The following DDX24 variants were observed in gnomAD, a reference collection of about 807,000 sequenced individuals.
DDX24 encodes DEAD-box helicase 24, also known as ATP-dependent RNA helicase DDX24.
Under a neutral mutation model 68.9 loss-of-function variants are expected in DDX24, and 24 were observed. That is an observed-to-expected ratio of 0.35 (90% confidence interval 0.25 to 0.49). The LOEUF is 0.49. Ranked by LOEUF, DDX24 falls within the 20% of genes least tolerant of loss-of-function variation. DDX24 has a pLI of 0.99. For missense variants in DDX24, 989 were observed against 1,039.0 expected (o/e 0.95, Z 0.66); for synonymous variants, 395 against 385.2 (o/e 1.03, Z -0.30).
rs184812855 is a variant in DDX24 at position 94,058,878 on chromosome 14, C to T, written c.1914-981G>A. Reference sequence around the variant, plus strand: ...CTCTATGGCAACTATTCAACTCTGCCGCAAAAGAGGATATTGACAATACAT... The same window carrying T: ...CTCTATGGCAACTATTCAACTCTGCTGCAAAAGAGGATATTGACAATACAT... On this transcript the variant is annotated intron_variant, in intron 5 of 8. Transcript: ENST00000621632. Among the ~76,000 whole-genome samples the T allele has an allele frequency of 1.1e-4, 16 of 152,252 alleles. No individual in the cohort carries two copies. The East Asian group carries it at 1.5e-3, about 15-fold the overall frequency.
chr14:94,058,937 A>T (rs757198723), intron 5 of DDX24, among the ~76,000 whole-genome samples: 7 of 152,202 alleles, frequency 4.6e-5, no homozygotes, highest in Non-Finnish European at 1.0e-4. Context: ...TAAAACGTCT[A>T]CTAAAAAAAC....
rs1299098349 is a variant in DDX24 at position 94,081,128 on chromosome 14, A to T, written c.-15T>A. ...TCGTTTTGGTACTCACCGTGTGGAGACGCCACCGCAGCTCCGTCAGTCGCG... is the reference window on the plus strand; with the variant it reads ...TCGTTTTGGTACTCACCGTGTGGAGTCGCCACCGCAGCTCCGTCAGTCGCG... On this transcript the variant is annotated 5_prime_UTR_variant, in exon 1 of 9. Transcript: ENST00000621632. 6.6e-6 allele frequency: 1 copy of T among 152,146 alleles called. No homozygotes were observed. Among genetic ancestry groups the T allele is most frequent in the Non-Finnish European group, 1.5e-5 (1 of 68,052 alleles). The allele number at this position is 152,146 out of a possible 1,614,324, so 9.4% of individuals were successfully genotyped here.
In DDX24 at chr14:94,081,112, TACTC is replaced by T. The variant is rs1886082214; in HGVS notation, c.-6+3_-6+6del. 6.6e-6 allele frequency: 1 copy of T among 152,290 alleles called. No homozygotes were observed. Among genetic ancestry groups the T allele is most frequent in the Non-Finnish European group, 1.5e-5 (1 of 68,116 alleles). The allele number at this position is 152,290 out of a possible 1,614,324, so 9.4% of individuals were successfully genotyped here. ...TCGGCTCCAACCCCGCTCGTTTTGG[TACTC>T]ACCGTGTGGAGACGCCACCGCAGCT... On this transcript the variant is annotated splice_donor_5th_base_variant and intron_variant, in intron 1 of 8. Transcript: ENST00000621632.
chr14:94,051,330 C>T lies in DDX24; in HGVS notation c.2441G>A (p.Gly814Asp), dbSNP rs1189852340. Residue 814 changes from glycine (G) to aspartate (D), a missense_variant, in exon 9 of 9, where the codon GGC (glycine) becomes GAC (aspartate). Transcript: ENST00000621632. ...SQKTKYPTQS[G>D]KPPLLVSAPS... ...GGCAGACACAAGCAGGGGCGGCTTG[C>T]CAGACTGAGTGGGATACTTGGTTTT... is the stretch of plus-strand genomic sequence containing the variant. The T allele has an allele frequency of 6.2e-7, 1 of 1,613,224 alleles. No homozygotes were observed. The highest frequency in any genetic ancestry group is 1.7e-5 in the Admixed American group (1 of 59,822).
chr14:94,051,373 G>A lies in DDX24; in HGVS notation c.2398C>T (p.Leu800=). Residue 800 remains leucine (L), a synonymous_variant, in exon 9 of 9, where the codon CTG becomes TTG. Transcript: ENST00000621632. ...KELRHLLSQP[L]FTESQKTKYP... is the part of the protein sequence containing the mutation. Reference sequence around the variant, plus strand: ...TTGGTTTTCTGGCTCTCCGTAAACAGTGGCTGGGACAGCAGGTGGCGCAGC... The same window carrying A: ...TTGGTTTTCTGGCTCTCCGTAAACAATGGCTGGGACAGCAGGTGGCGCAGC... The A allele has an allele frequency of 6.2e-7, 1 of 1,612,904 alleles. No individual in the cohort carries two copies. The highest frequency in any genetic ancestry group is 1.1e-5 in the South Asian group (1 of 90,828).
At chr14:94,059,295 C>T (rs2141424879) in intron 5 of DDX24, among the ~76,000 whole-genome samples, 1 of 152,288 alleles carries the variant, frequency 6.6e-6, no homozygotes, top group Non-Finnish European at 1.5e-5. Flanking sequence ...CAATCTGCAC[C>T]CCATTCCCTG....
chr14:94,074,700 C>G (rs1332328469), intron 2 of DDX24, among the ~76,000 whole-genome samples: 1 of 152,140 alleles, frequency 6.6e-6, no homozygotes, highest in Non-Finnish European at 1.5e-5. Context: ...CAAAATTCTG[C>G]TAAAGGTGTT....
chr14:94,067,386 A>C (rs1394297096), intron 2 of DDX24, among the ~76,000 whole-genome samples: 1 of 152,208 alleles, frequency 6.6e-6, no homozygotes, highest in East Asian at 1.9e-4. Flanking sequence ...GAAGGAGAGA[A>C]TGCTAAAAGC....
intron 7 of DDX24, chr14:94,053,328 C>G: frequency 5.7e-6 from 2 of 347,932 alleles, no homozygotes; most frequent in Non-Finnish European, 1.0e-5. Context: ...TCCCAAGCAG[C>G]TGGGAGGCAC....
intron 2 of DDX24, among the ~76,000 whole-genome samples, chr14:94,065,579 T>C (rs556302800): frequency 1.3e-5 from 2 of 152,272 alleles, no homozygotes; most frequent in East Asian, 1.9e-4. Context: ...TAGCTCCAGA[T>C]TGACTGCAAG....
At chr14:94,069,489 G>A (rs1188126245) in intron 2 of DDX24, among the ~76,000 whole-genome samples, 4 of 152,050 alleles carry the variant, frequency 2.6e-5, no homozygotes, top group Non-Finnish European at 5.9e-5. Flanking sequence ...GAGAAAGAAG[G>A]AACCCTCCCT....
rs771873044 is a variant in DDX24 at position 94,062,245 on chromosome 14, C to G, written c.1095G>C (p.Gln365His). 8.1e-6 allele frequency: 13 copies of G among 1,614,144 alleles called. No homozygotes were observed. The highest frequency in any genetic ancestry group is 1.1e-5 in the Non-Finnish European group (13 of 1,180,010). The change falls in exon 3 of 9, where the codon CAG becomes CAC. Residue 365 changes from glutamine (Q) to histidine (H), a missense_variant. Transcript: ENST00000621632. ...ENEEENLDKE[Q>H]TGNLKQELDD... Reference sequence around the variant, plus strand: ...CCAACTCCTGTTTTAGATTTCCAGTCTGCTCTTTATCAAGATTTTCCTCCT... The same window carrying G: ...CCAACTCCTGTTTTAGATTTCCAGTGTGCTCTTTATCAAGATTTTCCTCCT...
chr14:94,076,343 C>T (rs1405000087), intron 2 of DDX24, among the ~76,000 whole-genome samples: 3 of 152,124 alleles, frequency 2.0e-5, no homozygotes, highest in East Asian at 1.9e-4. Flanking sequence ...TCAGATACCA[C>T]CCCCTCCAGT....
At chr14:94,057,735 A>ACAAT in intron 6 of DDX24, 87 bp downstream of exon 6, 2 of 1,327,870 alleles carry the variant, frequency 1.5e-6, no homozygotes, top group Non-Finnish European at 2.1e-6. Context: ...CTTGGAACCA[A>ACAAT]CAATTCCTCC....
chr14:94,063,503 A>G (rs993419635), intron 2 of DDX24, among the ~76,000 whole-genome samples: 4 of 152,284 alleles, frequency 2.6e-5, no homozygotes, highest in Non-Finnish European at 5.9e-5. Flanking sequence ...ATAATTCACC[A>G]GCAGCAAATG....
intron 5 of DDX24, among the ~76,000 whole-genome samples, chr14:94,058,395 CTCACT>C (rs1463310981): frequency 6.6e-6 from 1 of 152,184 alleles, no homozygotes; most frequent in Non-Finnish European, 1.5e-5. Context: ...CTGCTCAATT[CTCACT>C]TCATCAGAGA....
chr14:94,068,109 C>T (rs373572158), intron 2 of DDX24, among the ~76,000 whole-genome samples: 1 of 152,246 alleles, frequency 6.6e-6, no homozygotes, highest in Non-Finnish European at 1.5e-5. Context: ...CTGCTGCCTT[C>T]AGGAGACTCA....
intron 5 of DDX24, 37 bp downstream of exon 5, chr14:94,060,061 A>C: frequency 1.3e-6 from 2 of 1,565,590 alleles, no homozygotes; most frequent in Non-Finnish European, 1.7e-6. Flanking sequence ...CCAGTAACTA[A>C]CTAGAGGTTA....
chr14:94,076,071 A>G (rs1378574702), intron 2 of DDX24, among the ~76,000 whole-genome samples: 1 of 152,236 alleles, frequency 6.6e-6, no homozygotes, highest in South Asian at 2.1e-4. Flanking sequence ...TAAAAGTTAC[A>G]TTTACCACAA....
Sources: allele counts gnomAD v4.1 joint callset (sites outside exome capture counted in the v4.1 genomes callset), GRCh38; gene constraint gnomAD v4.1.1; transcripts MANE v1.5; gene names NCBI Gene and HGNC (gene_info 2026-07-23, HGNC 2026-07-21).